Variants in PRKAR1B observed in about 807,000 individuals in gnomAD.
The protein encoded by PRKAR1B is protein kinase cAMP-dependent type I regulatory subunit beta.
PRKAR1B carries 22 observed loss-of-function variants against 46.5 expected under a neutral mutation model. The ratio of observed to expected loss-of-function variants is 0.47; its 90% CI spans 0.34 to 0.68. PRKAR1B has a LOEUF of 0.68. Among genes scored for constraint, PRKAR1B ranks in the 30% least tolerant of loss-of-function variants. The probability of loss-of-function intolerance (pLI) is 0.01; values close to 1 mark genes in which losing one functional copy is unlikely to be tolerated. For synonymous variants in PRKAR1B, 259 were observed against 217.7 expected, an observed-to-expected ratio of 1.19 and a Z score of -1.67; for missense variants, 445 against 535.6, an observed-to-expected ratio of 0.83 and a Z score of 1.67.
intron 2 of PRKAR1B, among the ~76,000 whole-genome samples, chr7:708,488 A>T (rs561259040): frequency 1.3e-3 from 205 of 152,204 alleles, no homozygotes; most frequent in African/African-American, 4.7e-3. Flanking sequence ...ATACTTTTTT[A>T]AAAAATTTAT....
intron 4 of PRKAR1B, among the ~76,000 whole-genome samples, chr7:673,823 C>T (rs2128503576): frequency 6.6e-6 from 1 of 152,290 alleles, no homozygotes; most frequent in South Asian, 2.1e-4. Flanking sequence ...GCCAGAAGTC[C>T]AGATCCAGGA....
At position 602,180 on chromosome 7, in the gene PRKAR1B, C is replaced by G. The variant is rs1337499697; in HGVS notation, c.549+4013G>C. Among the ~76,000 whole-genome samples the G allele has an allele frequency of 2.0e-5, 3 of 152,112 alleles. No individual in the cohort carries two copies. Among genetic ancestry groups the G allele is most frequent in the Non-Finnish European group, 4.4e-5 (3 of 67,998 alleles). On this transcript the variant is annotated intron_variant, in intron 6 of 10. Transcript: ENST00000537384. This position sits in a 1 kb window ranked among gnomAD's most constrained non-coding sequence, Gnocchi z 6.4. ...GGGCAGGGGCTGGGCTGGGAGGGGA[C>G]CCAGTGAGCTCAGGGCTGGAGGAAA...
chr7:576,425 C>T (rs938898385), intron 9 of PRKAR1B, among the ~76,000 whole-genome samples: 2 of 152,198 alleles, frequency 1.3e-5, no homozygotes, highest in Non-Finnish European at 1.5e-5. Context: ...GGAAATACTG[C>T]CTGATAACGG....
intron 7 of PRKAR1B, among the ~76,000 whole-genome samples, chr7:589,252 C>T (rs183144361): frequency 4.3e-4 from 66 of 151,860 alleles, no homozygotes; most frequent in African/African-American, 1.4e-3. Context: ...GGCCTGGGCT[C>T]CTTCTCTGTC....
chr7:600,327 A>G (rs1322524650), intron 6 of PRKAR1B, among the ~76,000 whole-genome samples: 3 of 152,092 alleles, frequency 2.0e-5, no homozygotes, highest in African/African-American at 7.2e-5. Flanking sequence ...CAACACAGCA[A>G]GACCCCGTCT....
rs368289977 is a variant in PRKAR1B, at chr7:593,284, T to A, written c.708+2862A>T. On this transcript the variant is annotated intron_variant, in intron 7 of 10. Transcript: ENST00000537384. This position sits in a 1 kb window ranked among gnomAD's most constrained non-coding sequence, Gnocchi z 6.1. Reference sequence around the variant, plus strand: ...CTTCCTGGAGACACCAGACCGGGTCTCCCGCGTCCCCCAGGTCCCAGCACG... The same window carrying A: ...CTTCCTGGAGACACCAGACCGGGTCACCCGCGTCCCCCAGGTCCCAGCACG... Among the ~76,000 whole-genome samples the A allele has an allele frequency of 5.9e-5, 9 of 152,054 alleles. No individual in the cohort carries two copies. In the East Asian group the frequency reaches 7.7e-4, roughly 13 times the overall value.
At chr7:636,629 C>T (rs1784123666) in intron 4 of PRKAR1B, among the ~76,000 whole-genome samples, 1 of 152,238 alleles carries the variant, frequency 6.6e-6, no homozygotes, top group Non-Finnish European at 1.5e-5. Context: ...CACAGTGACC[C>T]CAGGTGGCCA....
Position 666,566 on chromosome 7 carries a change from C to T in PRKAR1B, c.440+10663G>A, listed in dbSNP as rs910994680. On this transcript the variant is annotated intron_variant, in intron 4 of 10. Transcript: ENST00000537384. The surrounding 1 kb of genome is among the most constrained non-coding windows in gnomAD (Gnocchi z 4.9). The stretch of plus-strand genomic sequence containing the variant: ...TCCCAGGGGATAAGGACACCCCACT[C>T]CAGCCCCAGCTGGACAATTGCTGTG... Among the ~76,000 whole-genome samples, 1 of 152,232 alleles carries T rather than the reference C, an allele frequency of 6.6e-6. No individual in the cohort carries two copies. Among genetic ancestry groups the T allele is most frequent in the South Asian group, 2.1e-4 (1 of 4,834 alleles).
At chr7:709,232 T>C (rs1183167786) in intron 2 of PRKAR1B, among the ~76,000 whole-genome samples, 2 of 150,902 alleles carry the variant, frequency 1.3e-5, no homozygotes, top group South Asian at 2.1e-4. Context: ...TTAAAGAATA[T>C]ATAAAAAATG....
rs149574190 is a variant in PRKAR1B at position 584,425 on chromosome 7, G to A, written c.769+83C>T. On this transcript the variant is annotated intron_variant, in intron 8 of 10. Transcript: ENST00000537384. The stretch of plus-strand genomic sequence containing the variant: ...CCAACAACACTCAACTGCCAGCCAC[G>A]CAGGGAATGGGGAAGAGGCCGGGGT... The A allele has an allele frequency of 3.1e-4, 373 of 1,208,972 alleles. 1 individual carries two copies. In the African/African-American group the frequency reaches 4.7e-3, roughly 15 times the overall value. The allele number at this position is 1,208,972 out of a possible 1,614,324, so 74.9% of individuals were successfully genotyped here.
intron 9 of PRKAR1B, among the ~76,000 whole-genome samples, chr7:577,802 T>C (rs182529742): frequency 2.0e-5 from 3 of 152,298 alleles, no homozygotes; most frequent in East Asian, 3.9e-4. Context: ...AGGACAGGAT[T>C]CAAGGGCCAG....
At chr7:690,389 C>A (rs769162321) in intron 2 of PRKAR1B, among the ~76,000 whole-genome samples, 1 of 151,860 alleles carries the variant, frequency 6.6e-6, no homozygotes, top group African/African-American at 2.4e-5. Flanking sequence ...GCCATCCATA[C>A]CCTAGACCTC....
intron 4 of PRKAR1B, among the ~76,000 whole-genome samples, chr7:611,719 C>G (rs28499330): frequency 6.6e-6 from 1 of 151,992 alleles, no homozygotes; most frequent in African/African-American, 2.4e-5. Context: ...GGTGGATGAA[C>G]GGATGAGTGA....
At chr7:681,504 CT>C (rs2128508110) in intron 2 of PRKAR1B, among the ~76,000 whole-genome samples, 1 of 152,242 alleles carries the variant, frequency 6.6e-6, no homozygotes, top group South Asian at 2.1e-4. Flanking sequence ...AAAATTAAAA[CT>C]TTAATTTGCT....
intron 9 of PRKAR1B, among the ~76,000 whole-genome samples, chr7:569,333 A>T (rs911512996): frequency 5.9e-5 from 9 of 152,212 alleles, no homozygotes; most frequent in African/African-American, 2.2e-4. Flanking sequence ...ATCGAAACTC[A>T]CTTACGCTGA....
Position 579,436 on chromosome 7 carries a change from C to T in PRKAR1B, c.770-59G>A, listed in dbSNP as rs1780057069. The T allele has an allele frequency of 2.5e-6, 4 of 1,601,088 alleles. No individual in the cohort carries two copies. The Middle Eastern group carries it at 5.0e-4, about 200-fold the overall frequency. ...GGCCCACGCCCCCACAGCCACAGTCCAAGACAAGGGCCACCGCTCTTCCCG... is the reference window on the plus strand; with the variant it reads ...GGCCCACGCCCCCACAGCCACAGTCTAAGACAAGGGCCACCGCTCTTCCCG... On this transcript the variant is annotated intron_variant, in intron 8 of 10. Transcript: ENST00000537384.
chr7:728,185 G>T (rs1267351302), upstream of PRKAR1B, among the ~76,000 whole-genome samples: 2 of 152,052 alleles, frequency 1.3e-5, no homozygotes, highest in African/African-American at 4.8e-5. Flanking sequence ...GCAGGGTCTT[G>T]CCCTTTCCCT....
At chr7:696,023 T>C (rs1210626576) in intron 2 of PRKAR1B, among the ~76,000 whole-genome samples, 9 of 144,502 alleles carry the variant, frequency 6.2e-5, no homozygotes, top group Non-Finnish European at 1.2e-4. Context: ...GGCTGGAGTA[T>C]AGTGGCGTGA....
intron 7 of PRKAR1B, among the ~76,000 whole-genome samples, chr7:592,315 G>A (rs1033389712): frequency 7.2e-5 from 11 of 152,230 alleles, no homozygotes; most frequent in African/African-American, 2.4e-4. Flanking sequence ...CCTTAGCAGC[G>A]TCCTCGAGGC....
Sources: allele counts gnomAD v4.1 joint callset (sites outside exome capture counted in the v4.1 genomes callset), GRCh38; gene constraint gnomAD v4.1.1; non-coding constraint Gnocchi (gnomAD v3.1); transcripts MANE v1.5; gene names NCBI Gene and HGNC (gene_info 2026-07-23, HGNC 2026-07-21).